ATP10A: variants seen among roughly 807,000 people sequenced by gnomAD.
The protein encoded by ATP10A is phospholipid-transporting ATPase VA.
ATP10A carries 111 observed loss-of-function variants against 147.8 expected under a neutral mutation model. The ratio of observed to expected loss-of-function variants is 0.75; its 90% CI spans 0.64 to 0.88. The LOEUF (loss-of-function observed/expected upper bound fraction) is 0.88, where lower values mean the gene tolerates loss of function less well. ATP10A is among the 40% of genes least tolerant of loss of function. The pLI is 0.00. For missense variants in ATP10A, 1,927 were observed against 1,959.0 expected, an observed-to-expected ratio of 0.98 and a Z score of 0.31; for synonymous variants, 875 against 841.6, an observed-to-expected ratio of 1.04 and a Z score of -0.69.
At chr15:25,818,311 A>C (rs1183294031) in intron 1 of ATP10A, among the ~76,000 whole-genome samples, 1 of 152,190 alleles carries the variant, frequency 6.6e-6, no homozygotes, top group Non-Finnish European at 1.5e-5. Flanking sequence ...TCCTAATGCA[A>C]GTTAAATCTA....
At chr15:25,707,777 C>A (rs1398038888) in intron 12 of ATP10A, among the ~76,000 whole-genome samples, 199 bp downstream of exon 12, 1 of 152,168 alleles carries the variant, frequency 6.6e-6, no homozygotes, top group Non-Finnish European at 1.5e-5. Context: ...TGGGGGGCAG[C>A]ACGTGCACCT....
At chr15:25,723,333 C>T (rs1001198254) in intron 6 of ATP10A, among the ~76,000 whole-genome samples, 1 of 145,074 alleles carries the variant, frequency 6.9e-6, no homozygotes, top group African/African-American at 2.6e-5. Flanking sequence ...GGCGACAAAA[C>T]AAGACTCTGT....
chr15:25,705,569 C>T (rs1320337341), intron 12 of ATP10A, among the ~76,000 whole-genome samples: 1 of 151,908 alleles, frequency 6.6e-6, no homozygotes, highest in African/African-American at 2.4e-5. Context: ...GAACACAGTG[C>T]CCGCGTTTGA....
At chr15:25,850,585 C>CT (rs1893242982) in intron 1 of ATP10A, among the ~76,000 whole-genome samples, 1 of 152,106 alleles carries the variant, frequency 6.6e-6, no homozygotes, top group Non-Finnish European at 1.5e-5. Flanking sequence ...AGAACTGGAA[C>CT]TGTGTAGAGC....
intron 1 of ATP10A, among the ~76,000 whole-genome samples, chr15:25,818,189 T>C (rs1891745868): frequency 1.3e-5 from 2 of 152,178 alleles, no homozygotes; most frequent in Admixed American, 6.5e-5. Context: ...TATTATTTAT[T>C]TGAACTTAAA....
At chr15:25,735,009 GGGGGTGGGGGGGT>G (rs1887186030) in intron 3 of ATP10A, among the ~76,000 whole-genome samples, 1 of 40,960 alleles carries the variant, frequency 2.4e-5, no homozygotes, top group Admixed American at 3.7e-4. Flanking sequence ...GGAGCGGGGG[GGGGGTGGGGGGGT>G]GGGGGAAGTG....
At chr15:25,760,565 GA>G (rs887000535) in intron 2 of ATP10A, among the ~76,000 whole-genome samples, 4 of 152,090 alleles carry the variant, frequency 2.6e-5, no homozygotes, top group South Asian at 2.1e-4. Context: ...TGGAAAGAAT[GA>G]AAAAAACTCT....
chr15:25,714,759 A>AT (rs954529058), intron 9 of ATP10A, among the ~76,000 whole-genome samples: 15 of 151,954 alleles, frequency 9.9e-5, no homozygotes, highest in Admixed American at 6.6e-5. Context: ...AAAACTGGGC[A>AT]TTTTTTTTCC....
At chr15:25,786,197 G>A (rs1567383187) in intron 1 of ATP10A, among the ~76,000 whole-genome samples, 1 of 152,142 alleles carries the variant, frequency 6.6e-6, no homozygotes, top group Non-Finnish European at 1.5e-5. Context: ...ATCAGGGTGG[G>A]CCAGGGCTGA....
rs779569053 is a variant in ATP10A, at chr15:25,691,808, CAAG to C, written c.3089-20_3089-18del. On this transcript the variant is annotated intron_variant, in intron 14 of 20. Transcript: ENST00000555815. ...CTCCATCACCTAGAAACAGCACAGG[CAAG>C]AAGAATTGTTTGATTCTAGAAACAG... 53 of 1,613,772 alleles carry C rather than the reference CAAG, an allele frequency of 3.3e-5. No homozygotes were observed. The highest frequency in any genetic ancestry group is 6.7e-5 in the Admixed American group (4 of 59,990).
intron 8 of ATP10A, among the ~76,000 whole-genome samples, chr15:25,717,160 G>A (rs543648538): frequency 2.0e-4 from 30 of 152,040 alleles, no homozygotes; most frequent in Middle Eastern, 6.8e-3. Context: ...TAGTCTTTTC[G>A]CTCTACATTT....
intron 10 of ATP10A, among the ~76,000 whole-genome samples, chr15:25,711,408 C>G (rs1901409914): frequency 6.6e-6 from 1 of 152,058 alleles, no homozygotes; most frequent in South Asian, 2.1e-4. Context: ...TCCACCGCTC[C>G]CCAAGTAAAA....
chr15:25,691,815 A>C, intron 14 of ATP10A, 24 bp from the exon 15 acceptor site: 1 of 1,613,742 alleles, frequency 6.2e-7, no homozygotes, highest in Non-Finnish European at 8.5e-7. Flanking sequence ...AGGCAAGAAG[A>C]ATTGTTTGAT....
chr15:25,775,200 A>G (rs1193980135), intron 2 of ATP10A, among the ~76,000 whole-genome samples: 1 of 152,196 alleles, frequency 6.6e-6, no homozygotes, highest in African/African-American at 2.4e-5. Context: ...CTTGCAAATT[A>G]TACTTTTTCA....
At chr15:25,823,393 G>A (rs551576311) in intron 1 of ATP10A, among the ~76,000 whole-genome samples, 2 of 152,270 alleles carry the variant, frequency 1.3e-5, no homozygotes, top group African/African-American at 4.8e-5. Context: ...ATTTAATAGA[G>A]GATAAAATTG....
intron 2 of ATP10A, among the ~76,000 whole-genome samples, chr15:25,742,961 G>A (rs1489707873): frequency 6.6e-6 from 1 of 152,216 alleles, no homozygotes; most frequent in African/African-American, 2.4e-5. Context: ...TACAGGTGGG[G>A]GTGATGGTGT....
chr15:25,740,404 C>T (rs1054392769), intron 2 of ATP10A, among the ~76,000 whole-genome samples: 3 of 152,188 alleles, frequency 2.0e-5, no homozygotes, highest in African/African-American at 7.2e-5. Context: ...TGAGTGAGGC[C>T]ACCTGTCTGG....
At chr15:25,687,904 A>G (rs1422943751) in intron 15 of ATP10A, 76 bp from the exon 16 acceptor site, 1 of 1,596,022 alleles carries the variant, frequency 6.3e-7, no homozygotes, top group Non-Finnish European at 8.6e-7. Context: ...TCAAAATGCA[A>G]GGTACACAAC....
At chr15:25,755,222 G>A (rs1006240767) in intron 2 of ATP10A, among the ~76,000 whole-genome samples, 11 of 152,116 alleles carry the variant, frequency 7.2e-5, no homozygotes, top group African/African-American at 2.7e-4. Flanking sequence ...CTAAACCTAG[G>A]AAAGACCTTC....
Sources: gnomAD v4.1 joint callset for allele counts (sites outside exome capture counted in the v4.1 genomes callset) on GRCh38, gnomAD v4.1.1 for gene constraint, MANE v1.5 for transcripts, NCBI Gene and HGNC (gene_info 2026-07-23, HGNC 2026-07-21) for gene names.